The following AMPH variants were observed in gnomAD, a reference collection of about 807,000 sequenced individuals.
AMPH encodes amphiphysin (Stiff-Mann syndrome with breast cancer 128kD autoantigen).
A neutral mutation model predicts 99.1 loss-of-function variants in AMPH; 49 were observed. That is an observed-to-expected ratio of 0.49 (90% CI 0.39 to 0.63). The LOEUF is 0.63. Among genes scored for constraint, AMPH ranks in the 20% least tolerant of loss-of-function variants. The pLI, the probability that AMPH is intolerant of heterozygous loss-of-function variation, is 0.00. For synonymous variants in AMPH, 314 were observed against 317.3 expected (o/e 0.99, Z 0.11); for missense variants, 759 against 863.4 (o/e 0.88, Z 1.52).
intron 1 of AMPH, among the ~76,000 whole-genome samples, chr7:38,616,459 C>T (rs1000612510): frequency 2.0e-5 from 3 of 152,240 alleles, no homozygotes; most frequent in Admixed American, 6.5e-5. Context: ...AGAGGGCCTA[C>T]CCTAATGAAT....
Position 38,608,945 on chromosome 7 carries a change from G to C in AMPH, c.69+22338C>G, listed in dbSNP as rs113120544. On this transcript the variant is annotated intron_variant, in intron 1 of 20. Coordinates refer to ENST00000356264, the MANE Select transcript of AMPH (RefSeq NM_001635.4). ...TTAAATGAGCTAGTGTCTTTTTGTT[G>C]CTATATGAACGTGCTTTACGTAGTC... Among the ~76,000 whole-genome samples the C allele has an allele frequency of 7.2e-3, 1,100 of 152,266 alleles. 15 individuals are homozygous for C. The highest frequency in any genetic ancestry group is 0.025 in the African/African-American group (1,045 of 41,554).
intron 11 of AMPH, among the ~76,000 whole-genome samples, chr7:38,444,644 G>C (rs569433317): frequency 6.6e-6 from 1 of 152,214 alleles, no homozygotes; most frequent in African/African-American, 2.4e-5. Flanking sequence ...CCTTCAGAGA[G>C]AGCATGTCCC....
chr7:38,422,530 C>G, intron 15 of AMPH, 53 bp from the exon 16 acceptor site: 1 of 1,395,342 alleles, frequency 7.2e-7, no homozygotes, highest in Non-Finnish European at 1.0e-6. Flanking sequence ...TTTAAATCAG[C>G]TACCATCAAT....
At chr7:38,620,562 C>A (rs1039866602) in intron 1 of AMPH, among the ~76,000 whole-genome samples, 4,952 of 149,550 alleles carry the variant, frequency 0.033, 334 homozygotes, top group African/African-American at 0.12. Context: ...CACACACACA[C>A]ACACACACAC....
chr7:38,509,441 A>G (rs1789455361), intron 2 of AMPH, among the ~76,000 whole-genome samples: 1 of 152,214 alleles, frequency 6.6e-6, no homozygotes, highest in African/African-American at 2.4e-5. Context: ...TTAGAAATCT[A>G]GCTAATAATC....
chr7:38,621,258 T>A (rs1458149945), intron 1 of AMPH, among the ~76,000 whole-genome samples: 1 of 152,226 alleles, frequency 6.6e-6, no homozygotes, highest in African/African-American at 2.4e-5. Flanking sequence ...TGTATTTTTA[T>A]CATACATAAG....
intron 2 of AMPH, among the ~76,000 whole-genome samples, chr7:38,521,379 G>T (rs902223398): frequency 2.0e-5 from 3 of 152,126 alleles, no homozygotes; most frequent in African/African-American, 2.4e-5. Flanking sequence ...AAATTAGTCA[G>T]GCGTGGTGGC....
Position 38,401,421 on chromosome 7 carries a change from A to G in AMPH, c.1399-7207T>C, listed in dbSNP as rs1303193719. Among the ~76,000 whole-genome samples the G allele has an allele frequency of 2.0e-5, 3 of 152,186 alleles. No homozygotes were observed. In the East Asian group the frequency reaches 5.8e-4, roughly 29 times the overall value. On this transcript the variant is annotated intron_variant, in intron 17 of 20. Transcript: ENST00000356264. ...TTTGCTTTATCACGTCTTCCCACCT[A>G]TCTGCCTTGATTTGAGTCATCTTCC...
intron 1 of AMPH, among the ~76,000 whole-genome samples, chr7:38,539,824 GC>G (rs748249150): frequency 6.6e-6 from 1 of 152,222 alleles, no homozygotes; most frequent in Non-Finnish European, 1.5e-5. Context: ...CTACATGTAA[GC>G]AGTTTTGTGA....
chr7:38,434,748 A>G (rs1447300623), intron 12 of AMPH, among the ~76,000 whole-genome samples: 1 of 151,960 alleles, frequency 6.6e-6, no homozygotes, highest in Non-Finnish European at 1.5e-5. Flanking sequence ...CAAAGAAAAA[A>G]AAAAAAAAAG....
intron 1 of AMPH, among the ~76,000 whole-genome samples, chr7:38,561,579 T>C (rs1368935036): frequency 6.6e-6 from 1 of 152,228 alleles, no homozygotes; most frequent in South Asian, 2.1e-4. Context: ...TGGCACTTGA[T>C]TGAACCCTCA....
chr7:38,388,365 G>C (rs1784400743), intron 20 of AMPH, among the ~76,000 whole-genome samples: 1 of 151,866 alleles, frequency 6.6e-6, no homozygotes, highest in Non-Finnish European at 1.5e-5. Flanking sequence ...TTTCTTTCTT[G>C]AGTATTTCTA....
At position 38,573,490 on chromosome 7, in the gene AMPH, A is replaced by C. The variant is rs1315842519; in HGVS notation, c.70-38479T>G. Reference sequence around the variant, plus strand: ...AAGGTGTGAGCTTTGGTGTCACAGCATATTGGGTTTAAAGCCTATTAACTC... The same window carrying C: ...AAGGTGTGAGCTTTGGTGTCACAGCCTATTGGGTTTAAAGCCTATTAACTC... On this transcript the variant is annotated intron_variant, in intron 1 of 20. Coordinates refer to ENST00000356264, the MANE Select transcript of AMPH (RefSeq NM_001635.4). Among the ~76,000 whole-genome samples, 5 of 152,258 alleles carry C rather than the reference A, an allele frequency of 3.3e-5. No individual in the cohort carries two copies. The East Asian group carries it at 9.6e-4, about 29-fold the overall frequency.
At chr7:38,592,927 CT>C (rs1399398066) in intron 1 of AMPH, among the ~76,000 whole-genome samples, 1 of 152,174 alleles carries the variant, frequency 6.6e-6, no homozygotes, top group African/African-American at 2.4e-5. Flanking sequence ...GCCCCAACTG[CT>C]GTTAAAGCTG....
chr7:38,391,612 A>C (rs1420865940), intron 19 of AMPH, 136 bp downstream of exon 19: 4 of 827,238 alleles, frequency 4.8e-6, no homozygotes, highest in Non-Finnish European at 7.4e-6. Context: ...TGTCCAAGTG[A>C]TGTTGTGGTG....
intron 1 of AMPH, among the ~76,000 whole-genome samples, chr7:38,583,593 A>C (rs1269762030): frequency 6.6e-6 from 1 of 152,216 alleles, no homozygotes; most frequent in Non-Finnish European, 1.5e-5. Flanking sequence ...TACAGGATAG[A>C]CATATTCTAT....
chr7:38,420,592 A>T (rs377154228), intron 16 of AMPH, among the ~76,000 whole-genome samples: 2 of 152,356 alleles, frequency 1.3e-5, no homozygotes, highest in Admixed American at 6.5e-5. Flanking sequence ...TTTAGAATAA[A>T]ATGAGGAGTG....
chr7:38,432,637 A>G (rs369803786), intron 12 of AMPH, among the ~76,000 whole-genome samples: 2 of 151,544 alleles, frequency 1.3e-5, no homozygotes, highest in East Asian at 3.9e-4. Context: ...ATTAAAATGA[A>G]GTAAACAAGG....
intron 11 of AMPH, among the ~76,000 whole-genome samples, chr7:38,460,542 G>A (rs952362250): frequency 1.3e-5 from 2 of 152,104 alleles, no homozygotes; most frequent in South Asian, 2.1e-4. Context: ...AAATAATGTT[G>A]TTTGCAATAA....
Sources: allele counts gnomAD v4.1 joint callset (sites outside exome capture counted in the v4.1 genomes callset), GRCh38; gene constraint gnomAD v4.1.1; transcripts MANE v1.5; gene names NCBI Gene and HGNC (gene_info 2026-07-23, HGNC 2026-07-21).